The following SPAG16 variants were observed in gnomAD, a reference collection of about 807,000 sequenced individuals.
The protein encoded by SPAG16 is sperm associated antigen 16, also known as sperm-associated antigen 16 protein.
A neutral mutation model predicts 80.4 loss-of-function variants in SPAG16; 86 were observed. The observed-to-expected ratio is 1.07, with a 90% CI of 0.90 to 1.28. SPAG16 has a LOEUF of 1.28. Ranked by LOEUF, SPAG16 falls within the 50% of genes most tolerant of loss-of-function variation. The pLI is 0.00. For synonymous variants in SPAG16, 294 were observed against 265.9 expected, an observed-to-expected ratio of 1.11 and a Z score of -1.03; for missense variants, 870 against 765.3, an observed-to-expected ratio of 1.14 and a Z score of -1.61.
intron 9 of SPAG16, among the ~76,000 whole-genome samples, chr2:213,399,826 G>T (rs2068224511): frequency 6.6e-6 from 1 of 151,970 alleles, no homozygotes; most frequent in Non-Finnish European, 1.5e-5. Flanking sequence ...TCTTTGTAAT[G>T]TAATAGAAGT....
chr2:214,345,733 G>T (rs1030436321), intron 15 of SPAG16, among the ~76,000 whole-genome samples: 1 of 152,014 alleles, frequency 6.6e-6, no homozygotes, highest in Non-Finnish European at 1.5e-5. Context: ...TAACCACTAT[G>T]CTGACTGATA....
At chr2:213,298,506 A>C (rs564702226) in intron 3 of SPAG16, among the ~76,000 whole-genome samples, 1 of 152,350 alleles carries the variant, frequency 6.6e-6, no homozygotes, top group Admixed American at 6.5e-5. Context: ...GGTAAAGTAC[A>C]TGTGGCTAAT....
chr2:213,999,457 G>A (rs1218372380), intron 12 of SPAG16, among the ~76,000 whole-genome samples: 1 of 152,230 alleles, frequency 6.6e-6, no homozygotes, highest in Admixed American at 6.5e-5. Flanking sequence ...GAAATGCCTG[G>A]ATGTCCAGGC....
At position 214,140,518 on chromosome 2, in the gene SPAG16, T is replaced by G. The variant is rs183431284; in HGVS notation, c.1594-8622T>G. ...TGTATATCTTTCCTTTTTTGCATTA[T>G]CTATCATTCTGATGGACTTGTATTA... is the stretch of plus-strand genomic sequence containing the variant. On this transcript the variant is annotated intron_variant, in intron 14 of 15. Coordinates refer to ENST00000331683, the MANE Select transcript of SPAG16 (RefSeq NM_024532.5). 4.2e-3 allele frequency among the ~76,000 whole-genome samples: 645 copies of G among 152,200 alleles called. 14 individuals are homozygous for G. The highest frequency in any genetic ancestry group is 2.0e-3 in the Non-Finnish European group (134 of 68,000).
In SPAG16 at chr2:213,997,307, C is replaced by T. The variant is rs78540075; in HGVS notation, c.1401-16644C>T. The stretch of plus-strand genomic sequence containing the variant: ...TATATAGAAAATTACATACTGTTGG[C>T]CTTTAGTTTTTGAACATGATTAAAT... On this transcript the variant is annotated intron_variant, in intron 12 of 15. Coordinates refer to ENST00000331683, the MANE Select transcript of SPAG16 (RefSeq NM_024532.5). Among the ~76,000 whole-genome samples the T allele has an allele frequency of 9.6e-3, 1,468 of 152,196 alleles. 25 individuals are homozygous for T. Among genetic ancestry groups the T allele is most frequent in the African/African-American group, 0.032 (1,347 of 41,516 alleles).
chr2:213,630,419 T>C (rs6749115), intron 10 of SPAG16, among the ~76,000 whole-genome samples: 62,826 of 151,814 alleles, frequency 0.41, 13,565 homozygotes, highest in Middle Eastern at 0.53. Context: ...TCTTCACAGA[T>C]GAACTGATAT....
intron 14 of SPAG16, among the ~76,000 whole-genome samples, chr2:214,110,628 T>C (rs769539937): frequency 7.2e-5 from 11 of 152,236 alleles, no homozygotes; most frequent in Non-Finnish European, 1.2e-4. Context: ...GTAGCATGAT[T>C]TATAATCCTT....
intron 12 of SPAG16, among the ~76,000 whole-genome samples, chr2:213,943,708 A>G (rs12471453): frequency 0.045 from 6,782 of 152,316 alleles, 178 homozygotes; most frequent in South Asian, 0.11. Flanking sequence ...AAGAGAAAGA[A>G]GGAATCATTA....
intron 15 of SPAG16, among the ~76,000 whole-genome samples, chr2:214,171,301 A>G (rs938881905): frequency 1.4e-4 from 21 of 151,976 alleles, no homozygotes; most frequent in African/African-American, 4.8e-4. Flanking sequence ...TGACTCCTTT[A>G]CATTGAAATA....
chr2:213,662,886 T>G (rs1010838471), intron 10 of SPAG16, among the ~76,000 whole-genome samples: 55 of 152,226 alleles, frequency 3.6e-4, no homozygotes, highest in African/African-American at 1.2e-3. Flanking sequence ...GACAAATGTT[T>G]GTAAATGAAG....
At chr2:214,332,534 G>A (rs190393447) in intron 15 of SPAG16, among the ~76,000 whole-genome samples, 98 of 152,204 alleles carry the variant, frequency 6.4e-4, no homozygotes, top group African/African-American at 2.1e-3. Context: ...CAACACAGTG[G>A]TTCCATATCC....
chr2:213,861,066 T>C (rs2075434896), intron 10 of SPAG16, among the ~76,000 whole-genome samples: 1 of 152,166 alleles, frequency 6.6e-6, no homozygotes, highest in East Asian at 1.9e-4. Flanking sequence ...CAAACCAACA[T>C]TATGATGAAT....
intron 9 of SPAG16, among the ~76,000 whole-genome samples, chr2:213,450,621 G>C (rs746952837): frequency 2.6e-5 from 4 of 151,894 alleles, no homozygotes; most frequent in Non-Finnish European, 5.9e-5. Flanking sequence ...CTATTTTTTG[G>C]AAGTATAATA....
At chr2:213,732,676 C>A (rs1256867570) in intron 10 of SPAG16, among the ~76,000 whole-genome samples, 1 of 152,140 alleles carries the variant, frequency 6.6e-6, no homozygotes, top group Non-Finnish European at 1.5e-5. Context: ...TGGCCATTTT[C>A]ACAATATCAA....
At chr2:213,323,088 C>A (rs1016451615) in intron 5 of SPAG16, among the ~76,000 whole-genome samples, 1 of 152,108 alleles carries the variant, frequency 6.6e-6, no homozygotes, top group African/African-American at 2.4e-5. Flanking sequence ...CAAGGAAATC[C>A]AAATCAAAAG....
intron 9 of SPAG16, among the ~76,000 whole-genome samples, chr2:213,488,945 C>T (rs889546293): frequency 6.6e-6 from 1 of 151,444 alleles, no homozygotes; most frequent in Non-Finnish European, 1.5e-5. Flanking sequence ...CGTGGTGGCA[C>T]GCGCCTGTAG....
intron 15 of SPAG16, among the ~76,000 whole-genome samples, chr2:214,295,053 C>A (rs1232022586): frequency 6.6e-6 from 1 of 152,150 alleles, no homozygotes; most frequent in Non-Finnish European, 1.5e-5. Flanking sequence ...GGAATTTAGG[C>A]CCATTGATCA....
At chr2:213,605,831 A>C (rs968324887) in intron 10 of SPAG16, among the ~76,000 whole-genome samples, 1 of 152,172 alleles carries the variant, frequency 6.6e-6, no homozygotes, top group Non-Finnish European at 1.5e-5. Flanking sequence ...CATAATTTAC[A>C]TATACATAGT....
intron 15 of SPAG16, among the ~76,000 whole-genome samples, chr2:214,313,387 G>A (rs1695463722): frequency 6.6e-6 from 1 of 152,044 alleles, no homozygotes; most frequent in South Asian, 2.1e-4. Flanking sequence ...ATGTGTCAGA[G>A]TGCTCCCAAG....
Sources: gnomAD v4.1 joint callset for allele counts (sites outside exome capture counted in the v4.1 genomes callset) on GRCh38, gnomAD v4.1.1 for gene constraint, MANE v1.5 for transcripts, NCBI Gene and HGNC (gene_info 2026-07-23, HGNC 2026-07-21) for gene names.